AMMECR1: variants seen among roughly 807,000 people sequenced by gnomAD.
AMMECR1 encodes the protein nuclear protein AMMECR1.
AMMECR1 carries 3 observed loss-of-function variants against 22.5 expected under a neutral mutation model. The observed-to-expected ratio is 0.13, with a 90% CI of 0.06 to 0.35. AMMECR1 has a LOEUF of 0.35. AMMECR1 is among the 10% of genes least tolerant of loss of function. AMMECR1 has a pLI of 1.00. For synonymous variants in AMMECR1, 130 were observed against 116.7 expected (o/e 1.11, Z -0.74); for missense variants, 235 against 278.7 (o/e 0.84, Z 1.12).
chrX:110,352,566 G>A (rs1369361045), intron 2 of AMMECR1, among the ~76,000 whole-genome samples: 1 of 111,843 alleles, frequency 8.9e-6, no homozygotes, highest in African/African-American at 3.2e-5. Context: ...GCCAGGTAAT[G>A]GGAGTGACTA....
At chrX:110,393,074 T>A (rs1225546860) in intron 2 of AMMECR1, among the ~76,000 whole-genome samples, 1 of 111,601 alleles carries the variant, frequency 9.0e-6, no homozygotes, top group Non-Finnish European at 1.9e-5. Flanking sequence ...TTGCACATTG[T>A]CCCTCTTGGG....
chrX:110,415,780 A>AT (rs1042553238), intron 2 of AMMECR1, among the ~76,000 whole-genome samples: 1 of 111,405 alleles, frequency 9.0e-6, no homozygotes, highest in Non-Finnish European at 1.9e-5. Context: ...CATTCCTTCA[A>AT]TTTTGTCCTG....
intron 2 of AMMECR1, among the ~76,000 whole-genome samples, chrX:110,413,950 G>A (rs1204851850): frequency 8.9e-6 from 1 of 111,837 alleles, no homozygotes; most frequent in East Asian, 2.8e-4. Context: ...TACTATTGTG[G>A]TTTTCCTTTT....
intron 2 of AMMECR1, among the ~76,000 whole-genome samples, chrX:110,231,685 T>G (rs932330077): frequency 9.0e-6 from 1 of 111,593 alleles, no homozygotes; most frequent in African/African-American, 3.3e-5. Context: ...TAAATGTAAA[T>G]GGGCTAAATA....
intron 2 of AMMECR1, among the ~76,000 whole-genome samples, chrX:110,348,104 C>T (rs1329729420): frequency 8.9e-6 from 1 of 111,804 alleles, no homozygotes; most frequent in South Asian, 3.7e-4. Flanking sequence ...TATTTTGGCC[C>T]ATTTCTCATC....
intron 1 of AMMECR1, among the ~76,000 whole-genome samples, chrX:110,306,293 C>T (rs1039144564): frequency 2.8e-5 from 3 of 108,969 alleles, no homozygotes; most frequent in Non-Finnish European, 3.8e-5. Flanking sequence ...GACTCCGTCT[C>T]GAAAAATAAA....
At chrX:110,223,377 T>A (rs759067737) in intron 2 of AMMECR1, among the ~76,000 whole-genome samples, 6 of 112,370 alleles carry the variant, frequency 5.3e-5, no homozygotes, top group Non-Finnish European at 1.1e-4. Context: ...TTTATGAATC[T>A]GGTTCATCTT....
At chrX:110,386,741 A>T (rs1021952069) in intron 2 of AMMECR1, among the ~76,000 whole-genome samples, 1 of 112,019 alleles carries the variant, frequency 8.9e-6, no homozygotes, top group African/African-American at 3.2e-5. Context: ...CACCTGATGC[A>T]CCCTATGGTA....
At chrX:110,335,554 C>T (rs965606400) in intron 2 of AMMECR1, among the ~76,000 whole-genome samples, 1 of 111,484 alleles carries the variant, frequency 9.0e-6, no homozygotes, top group Non-Finnish European at 1.9e-5. Context: ...TATAGCAGCC[C>T]ACCACGGACA....
At chrX:110,334,306 G>T (rs1187315099) in intron 2 of AMMECR1, among the ~76,000 whole-genome samples, 3 of 111,606 alleles carry the variant, frequency 2.7e-5, no homozygotes, top group Admixed American at 9.5e-5. Context: ...TGGTGTTGTT[G>T]GTTACTTACT....
Position 110,318,084 on chromosome X carries a change from T to TC in AMMECR1, c.-14dup, listed in dbSNP as rs1202828271. 8.5e-7 allele frequency: 1 copy of TC among 1,173,082 alleles called. No individual in the cohort carries two copies. The highest frequency in any genetic ancestry group is 1.9e-5 in the South Asian group (1 of 51,374). On this transcript the variant is annotated 5_prime_UTR_variant, in exon 1 of 6. Transcript: ENST00000262844. ...AACCCGCCGCCATCTTGGAACAGTCTCCCCCACGCAGCGTTTCCGACCCAT... is the reference window on the plus strand; with the variant it reads ...AACCCGCCGCCATCTTGGAACAGTCTCCCCCCACGCAGCGTTTCCGACCCAT...
chrX:110,252,181 A>G (rs1301080688), intron 2 of AMMECR1, among the ~76,000 whole-genome samples: 1 of 111,620 alleles, frequency 9.0e-6, no homozygotes, highest in Non-Finnish European at 1.9e-5. Context: ...TGGGTCACAA[A>G]GCTAAGAATT....
Position 110,198,431 on chromosome X carries a change from A to G in AMMECR1, c.*89T>C. 1 of 484,581 alleles carries G rather than the reference A, an allele frequency of 2.1e-6. No individual in the cohort carries two copies. The highest frequency in any genetic ancestry group is 3.3e-6 in the Non-Finnish European group (1 of 306,438). The allele number at this position is 484,581 out of a possible 1,213,427, so 39.9% of individuals were successfully genotyped here. A position where few individuals can be genotyped will look rare whatever the true frequency, so the allele number is the denominator to read the frequency against. The stretch of plus-strand genomic sequence containing the variant: ...GGAAACTATCATCATAAAATGGTAC[A>G]GTAAAAGAGATAGCTAGACCAAGAA... On this transcript the variant is annotated 3_prime_UTR_variant, in exon 6 of 6. Coordinates refer to ENST00000262844, the MANE Select transcript of AMMECR1 (RefSeq NM_015365.3).
intron 2 of AMMECR1, among the ~76,000 whole-genome samples, chrX:110,420,845 C>T (rs1031439786): frequency 9.0e-6 from 1 of 111,148 alleles, no homozygotes; most frequent in Non-Finnish European, 1.9e-5. Flanking sequence ...AGTTTTGGCT[C>T]GGGAGGCAGG....
upstream of AMMECR1, among the ~76,000 whole-genome samples, chrX:110,319,621 C>T (rs2068071391): frequency 8.9e-6 from 1 of 111,946 alleles, no homozygotes; most frequent in African/African-American, 3.3e-5. Flanking sequence ...TCTCCAATAC[C>T]ATACCTCGTC....
chrX:110,271,325 C>T (rs2067797227), intron 1 of AMMECR1, among the ~76,000 whole-genome samples: 1 of 112,495 alleles, frequency 8.9e-6, no homozygotes, highest in African/African-American at 3.2e-5. Context: ...TCTATCATAG[C>T]AGCATTATAT....
At chrX:110,225,479 T>C (rs5942906) in intron 2 of AMMECR1, among the ~76,000 whole-genome samples, 3,115 of 112,132 alleles carry the variant, frequency 0.028, 54 homozygotes, top group Non-Finnish European at 0.044. Flanking sequence ...CTACACACAA[T>C]AGTCAAACAG....
intron 2 of AMMECR1, among the ~76,000 whole-genome samples, chrX:110,238,225 T>C (rs1192523037): frequency 1.8e-5 from 2 of 112,503 alleles, no homozygotes; most frequent in Non-Finnish European, 3.8e-5. Flanking sequence ...TTTCATTCAT[T>C]CTTTATTGAG....
chrX:110,204,507 A>G (rs2067412615), intron 3 of AMMECR1, among the ~76,000 whole-genome samples: 1 of 111,068 alleles, frequency 9.0e-6, no homozygotes, highest in African/African-American at 3.3e-5. Flanking sequence ...GAAAAAGAAC[A>G]GCTCCCCAGG....
Sources: gnomAD v4.1 joint callset for allele counts (sites outside exome capture counted in the v4.1 genomes callset) on GRCh38, gnomAD v4.1.1 for gene constraint, MANE v1.5 for transcripts, NCBI Gene and HGNC (gene_info 2026-07-23, HGNC 2026-07-21) for gene names.